The following TBC1D19 variants were observed in gnomAD, a reference collection of about 807,000 sequenced individuals.
TBC1D19 encodes TBC1 domain family, member 19.
TBC1D19 carries 60 observed loss-of-function variants against 89.0 expected under a neutral mutation model. The observed-to-expected ratio is 0.67, with a 90% CI of 0.55 to 0.84. The LOEUF (loss-of-function observed/expected upper bound fraction) is 0.84, where lower values mean the gene tolerates loss of function less well. Among genes scored for constraint, TBC1D19 ranks in the 40% least tolerant of loss-of-function variants. The pLI, the probability that TBC1D19 is intolerant of heterozygous loss-of-function variation, is 0.00. For missense variants in TBC1D19, 500 were observed against 610.8 expected (o/e 0.82, Z 1.91); for synonymous variants, 189 against 199.7 (o/e 0.95, Z 0.45).
At chr4:26,645,731 G>A (rs1743871098) in intron 7 of TBC1D19, among the ~76,000 whole-genome samples, 1 of 152,102 alleles carries the variant, frequency 6.6e-6, no homozygotes, top group East Asian at 1.9e-4. Context: ...CTACAGAATG[G>A]GAGAAAATTT....
the TBC1D19 span, among the ~76,000 whole-genome samples, chr4:26,807,140 C>T: frequency 4.6e-5 from 7 of 152,150 alleles, no homozygotes; most frequent in East Asian, 1.9e-4. Context: ...AGCATCACTA[C>T]GGAGTGTGTT....
intron 15 of TBC1D19, among the ~76,000 whole-genome samples, chr4:26,724,121 A>G (rs1717148869): frequency 6.6e-6 from 1 of 152,224 alleles, no homozygotes; most frequent in Admixed American, 6.5e-5. Flanking sequence ...AATAAGCTTG[A>G]TAGTCTGAAG....
At chr4:26,621,313 C>T (rs1742032554) in intron 4 of TBC1D19, among the ~76,000 whole-genome samples, 1 of 152,186 alleles carries the variant, frequency 6.6e-6, no homozygotes, top group Non-Finnish European at 1.5e-5. Context: ...TCACTCACCT[C>T]CCCTCAGTCC....
At chr4:26,624,122 T>C (rs1319558561) in intron 4 of TBC1D19, among the ~76,000 whole-genome samples, 1 of 152,156 alleles carries the variant, frequency 6.6e-6, no homozygotes, top group East Asian at 1.9e-4. Context: ...TATGTGCCTG[T>C]CCAAGTGAAT....
intron 3 of TBC1D19, among the ~76,000 whole-genome samples, chr4:26,616,960 T>G (rs959938842): frequency 2.0e-5 from 3 of 152,228 alleles, no homozygotes; most frequent in African/African-American, 7.2e-5. Context: ...TAATCTTCAT[T>G]ACAACCCTAT....
At chr4:26,791,859 A>G in the TBC1D19 span, among the ~76,000 whole-genome samples, 2 of 152,350 alleles carry the variant, frequency 1.3e-5, no homozygotes, top group Admixed American at 1.3e-4. Flanking sequence ...TGGGGATGTC[A>G]GGTATGCAGT....
the TBC1D19 span, among the ~76,000 whole-genome samples, chr4:26,829,602 A>G: frequency 6.6e-6 from 1 of 152,224 alleles, no homozygotes; most frequent in Non-Finnish European, 1.5e-5. Context: ...CTCACACAGA[A>G]AAAGGGATAA....
At chr4:26,785,040 C>T in the TBC1D19 span, among the ~76,000 whole-genome samples, 1 of 152,216 alleles carries the variant, frequency 6.6e-6, no homozygotes, top group African/African-American at 2.4e-5. Flanking sequence ...AAAGAAACTG[C>T]TTCACATGAG....
At chr4:26,579,944 A>G (rs565039288), upstream of TBC1D19, among the ~76,000 whole-genome samples, 7 of 152,350 alleles carry the variant, frequency 4.6e-5, no homozygotes, top group South Asian at 1.2e-3. Context: ...AAAGATGGAA[A>G]GAGCTTAGAA....
intron 4 of TBC1D19, among the ~76,000 whole-genome samples, chr4:26,623,271 C>G (rs1226129683): frequency 1.3e-5 from 2 of 152,190 alleles, no homozygotes; most frequent in Non-Finnish European, 1.5e-5. Flanking sequence ...CTTTTGACTA[C>G]TTCAAGAGAA....
chr4:26,783,099 G>A, the TBC1D19 span, among the ~76,000 whole-genome samples: 3 of 152,164 alleles, frequency 2.0e-5, no homozygotes, highest in Non-Finnish European at 2.9e-5. Context: ...ATAACTAACC[G>A]CGGGGCTATT....
the TBC1D19 span, among the ~76,000 whole-genome samples, chr4:26,790,741 C>T: frequency 6.6e-6 from 1 of 152,142 alleles, no homozygotes; most frequent in Non-Finnish European, 1.5e-5. Context: ...TTTATTAGTA[C>T]TTTCCTATGT....
At chr4:26,588,652 T>G (rs1739581255) in intron 1 of TBC1D19, among the ~76,000 whole-genome samples, 1 of 152,190 alleles carries the variant, frequency 6.6e-6, no homozygotes, top group African/African-American at 2.4e-5. Context: ...TCTTGTGATT[T>G]TATGGGTTCT....
chr4:26,613,599 G>A (rs1280899208), intron 2 of TBC1D19, among the ~76,000 whole-genome samples: 5 of 152,044 alleles, frequency 3.3e-5, no homozygotes, highest in Non-Finnish European at 1.5e-5. Context: ...TTCTATTTAG[G>A]GAGAATTAGA....
At chr4:26,657,713 G>A (rs1014297253) in intron 7 of TBC1D19, among the ~76,000 whole-genome samples, 8 of 152,064 alleles carry the variant, frequency 5.3e-5, no homozygotes, top group Non-Finnish European at 1.0e-4. Context: ...CAGTGTAAAA[G>A]CATTCCTATT....
At chr4:26,596,478 G>A (rs1212880792) in intron 1 of TBC1D19, among the ~76,000 whole-genome samples, 1 of 151,890 alleles carries the variant, frequency 6.6e-6, no homozygotes, top group Non-Finnish European at 1.5e-5. Flanking sequence ...GTGTGTGTGT[G>A]TGTGTGTGTG....
At chr4:26,849,984 G>T in the TBC1D19 span, among the ~76,000 whole-genome samples, 1 of 152,034 alleles carries the variant, frequency 6.6e-6, no homozygotes, top group African/African-American at 2.4e-5. Context: ...CATTTGATTG[G>T]CTGCTATATG....
chr4:26,627,043 G>C (rs10000377), intron 4 of TBC1D19, among the ~76,000 whole-genome samples: 36 of 149,404 alleles, frequency 2.4e-4, no homozygotes, highest in African/African-American at 6.5e-4. Flanking sequence ...TCCCCCCTCC[G>C]CCCACCCCAC....
At chr4:26,593,528 A>G (rs982148238) in intron 1 of TBC1D19, among the ~76,000 whole-genome samples, 2 of 152,238 alleles carry the variant, frequency 1.3e-5, no homozygotes, top group Non-Finnish European at 1.5e-5. Context: ...ACAGCAAAAG[A>G]AACTACCGTC....
Sources: allele counts gnomAD v4.1 joint callset (sites outside exome capture counted in the v4.1 genomes callset), GRCh38; gene constraint gnomAD v4.1.1; transcripts MANE v1.5; gene names NCBI Gene and HGNC (gene_info 2026-07-23, HGNC 2026-07-21).